The following TTC28 variants were observed in gnomAD, a reference collection of about 807,000 sequenced individuals.
The protein encoded by TTC28 is tetratricopeptide repeat domain 28.
Under a neutral mutation model 198.0 loss-of-function variants are expected in TTC28, and 61 were observed. That is an observed-to-expected ratio of 0.31 (90% CI 0.25 to 0.38). The LOEUF is 0.38. Among genes scored for constraint, TTC28 ranks in the 10% least tolerant of loss-of-function variants. The probability of loss-of-function intolerance (pLI) is 1.00; values close to 1 mark genes in which losing one functional copy is unlikely to be tolerated. For missense variants in TTC28, 2,678 were observed against 3,164.0 expected (o/e 0.85, Z 3.69); for synonymous variants, 1,171 against 1,297.8 (o/e 0.90, Z 2.10).
chr22:28,075,435 A>G (rs1941136646), intron 12 of TTC28, among the ~76,000 whole-genome samples: 1 of 151,968 alleles, frequency 6.6e-6, no homozygotes, highest in South Asian at 2.1e-4. Context: ...CACTTCACAG[A>G]TTAGGCTATG....
chr22:28,481,165 T>C (rs1246638836), intron 2 of TTC28, among the ~76,000 whole-genome samples: 2 of 152,370 alleles, frequency 1.3e-5, no homozygotes, highest in Admixed American at 6.5e-5. Context: ...ACAGATACTT[T>C]TAAAAGAATG....
At chr22:28,400,694 C>T (rs1425913403) in intron 2 of TTC28, among the ~76,000 whole-genome samples, 1 of 152,102 alleles carries the variant, frequency 6.6e-6, no homozygotes, top group African/African-American at 2.4e-5. Context: ...AAGTTAGAGG[C>T]CATATTGTTC....
At chr22:28,284,590 A>C (rs1210807620) in intron 5 of TTC28, among the ~76,000 whole-genome samples, 1 of 152,174 alleles carries the variant, frequency 6.6e-6, no homozygotes, top group East Asian at 1.9e-4. Context: ...AATCTACGGA[A>C]TGGCAGAAAA....
At chr22:28,284,987 G>A (rs964756459) in intron 5 of TTC28, among the ~76,000 whole-genome samples, 5 of 152,138 alleles carry the variant, frequency 3.3e-5, no homozygotes, top group Admixed American at 6.5e-5. Flanking sequence ...GCAATTCTAC[G>A]TCTGAGTATA....
chr22:28,059,555 T>C (rs573776899), intron 12 of TTC28, among the ~76,000 whole-genome samples: 3 of 152,088 alleles, frequency 2.0e-5, no homozygotes, highest in African/African-American at 7.2e-5. Flanking sequence ...TTGGTGTTTT[T>C]GTATCATCTA....
intron 14 of TTC28, among the ~76,000 whole-genome samples, chr22:28,003,107 G>A (rs1937781116): frequency 6.6e-6 from 1 of 152,196 alleles, no homozygotes; most frequent in Non-Finnish European, 1.5e-5. Flanking sequence ...CACTGTCTAT[G>A]GATGAGCTCT....
chr22:28,436,401 T>C (rs960083235), intron 2 of TTC28, among the ~76,000 whole-genome samples: 3 of 152,208 alleles, frequency 2.0e-5, no homozygotes, highest in African/African-American at 7.2e-5. Flanking sequence ...GCTACAACTG[T>C]GGCCTATAAA....
At chr22:28,284,284 G>C (rs188490899) in intron 5 of TTC28, among the ~76,000 whole-genome samples, 299 of 152,250 alleles carry the variant, frequency 2.0e-3, no homozygotes, top group African/African-American at 6.7e-3. Context: ...CAATTCTACA[G>C]TGGGGGGAAG....
In TTC28 at chr22:28,334,058, G is replaced by A. The variant is rs568958449; in HGVS notation, c.382-27415C>T. Reference sequence around the variant, plus strand: ...GATGTTCCCCTTTCTGTGTCCATGTGTTCTCATTGTTCAATTCCCACCTAT... The same window carrying A: ...GATGTTCCCCTTTCTGTGTCCATGTATTCTCATTGTTCAATTCCCACCTAT... On this transcript the variant is annotated intron_variant, in intron 2 of 22. Transcript: ENST00000397906. Among the ~76,000 whole-genome samples the A allele has an allele frequency of 4.5e-4, 61 of 136,556 alleles. No individual in the cohort carries two copies. In the South Asian group the frequency reaches 0.013, roughly 28 times the overall value. 89.6% of individuals were successfully genotyped at this position (136,556 alleles called of 152,430 possible).
chr22:28,347,744 C>G (rs963519608), intron 2 of TTC28, among the ~76,000 whole-genome samples: 5 of 152,102 alleles, frequency 3.3e-5, no homozygotes, highest in African/African-American at 1.2e-4. Flanking sequence ...TGGTGGCAGA[C>G]CACCTGTAAT....
At chr22:28,626,705 A>G (rs958674055) in intron 2 of TTC28, among the ~76,000 whole-genome samples, 1 of 152,054 alleles carries the variant, frequency 6.6e-6, no homozygotes, top group Non-Finnish European at 1.5e-5. Context: ...TGTGATTTCA[A>G]TTTTGAACTC....
chr22:28,654,176 G>A (rs1270170201), intron 1 of TTC28, among the ~76,000 whole-genome samples: 1 of 152,092 alleles, frequency 6.6e-6, no homozygotes, highest in African/African-American at 2.4e-5. Flanking sequence ...AAGCCCAAGT[G>A]CCCTCAGTTA....
intron 2 of TTC28, among the ~76,000 whole-genome samples, chr22:28,604,849 A>T (rs1044513946): frequency 6.6e-6 from 1 of 152,208 alleles, no homozygotes; most frequent in South Asian, 2.1e-4. Context: ...TACATTTTAT[A>T]TATCACCCAC....
chr22:28,525,615 G>C (rs1051203790), intron 2 of TTC28, among the ~76,000 whole-genome samples: 3 of 152,152 alleles, frequency 2.0e-5, no homozygotes, highest in Non-Finnish European at 4.4e-5. Context: ...AAATAAGTTT[G>C]TTTAAATAGC....
intron 6 of TTC28, among the ~76,000 whole-genome samples, chr22:28,109,050 ACAAAC>A (rs770942225): frequency 6.6e-6 from 1 of 152,254 alleles, no homozygotes; most frequent in Non-Finnish European, 1.5e-5. Flanking sequence ...GGCAAGAACC[ACAAAC>A]GGCGCTCCTA....
At chr22:28,539,030 A>G (rs541006657) in intron 2 of TTC28, among the ~76,000 whole-genome samples, 7 of 152,166 alleles carry the variant, frequency 4.6e-5, no homozygotes, top group Non-Finnish European at 1.0e-4. Context: ...CTGTGAGACT[A>G]TGTGAAAGGA....
At position 28,013,751 on chromosome 22, in the gene TTC28, C is replaced by G. The variant is rs1436753312; in HGVS notation, c.4218+497G>C. 2.0e-5 allele frequency among the ~76,000 whole-genome samples: 3 copies of G among 152,118 alleles called. No homozygotes were observed. The East Asian group carries it at 5.8e-4, about 29-fold the overall frequency. ...GGGAAGGGCACAGCCACGGCCACAT[C>G]CCCGAGGCGTCTGCTAGGTGGGAAA... On this transcript the variant is annotated intron_variant, in intron 14 of 22. Transcript: ENST00000397906.
At chr22:27,996,015 C>T (rs761255332) in intron 17 of TTC28, 120 bp downstream of exon 17, 191 of 1,407,232 alleles carry the variant, frequency 1.4e-4, no homozygotes, top group Admixed American at 2.1e-4. Context: ...ATCCTGGACA[C>T]GGCCCCAATC....
chr22:28,355,015 ACT>A (rs1220965610), intron 2 of TTC28, among the ~76,000 whole-genome samples: 4 of 133,386 alleles, frequency 3.0e-5, no homozygotes, highest in African/African-American at 1.2e-4. Context: ...GGGTATAGGT[ACT>A]TAAAAACACA....
Sources: allele counts gnomAD v4.1 joint callset (sites outside exome capture counted in the v4.1 genomes callset), GRCh38; gene constraint gnomAD v4.1.1; transcripts MANE v1.5; gene names NCBI Gene and HGNC (gene_info 2026-07-23, HGNC 2026-07-21).